ANKRD42: variants seen among roughly 807,000 people sequenced by gnomAD.
ANKRD42 encodes the protein ankyrin repeat domain-containing protein 42.
A neutral mutation model predicts 51.5 loss-of-function variants in ANKRD42; 43 were observed. The observed-to-expected ratio is 0.83, with a 90% CI of 0.65 to 1.08. ANKRD42 has a LOEUF of 1.08. Among genes scored for constraint, ANKRD42 ranks in the 50% least tolerant of loss-of-function variants. The probability of loss-of-function intolerance (pLI) is 0.00; values close to 1 mark genes in which losing one functional copy is unlikely to be tolerated. For synonymous variants in ANKRD42, 203 were observed against 213.0 expected (o/e 0.95, Z 0.41); for missense variants, 608 against 629.3 (o/e 0.97, Z 0.36).
chr11:83,210,277 C>CT (rs1400306022), intron 3 of ANKRD42, 23 bp from the exon 4 acceptor site: 3 of 1,609,770 alleles, frequency 1.9e-6, no homozygotes, highest in Non-Finnish European at 2.5e-6. Context: ...CATGTAAAGT[C>CT]TTTCCTATTT....
chr11:83,257,067 G>C (rs138126362), downstream of ANKRD42, among the ~76,000 whole-genome samples: 320 of 152,234 alleles, frequency 2.1e-3, 3 homozygotes, highest in African/African-American at 7.5e-3. Flanking sequence ...ACTAAAAATA[G>C]TGAATATAAG....
intron 2 of ANKRD42, among the ~76,000 whole-genome samples, chr11:83,199,741 T>C (rs1400576829): frequency 6.6e-6 from 1 of 152,138 alleles, no homozygotes; most frequent in Admixed American, 6.5e-5. Context: ...TTTTTACCCC[T>C]ACCACACACA....
intron 5 of ANKRD42, chr11:83,213,280 C>G: frequency 1.3e-6 from 2 of 1,595,082 alleles, no homozygotes; most frequent in East Asian, 2.2e-5. Flanking sequence ...TGATGTGCAA[C>G]AGATCTTACT....
intron 8 of ANKRD42, among the ~76,000 whole-genome samples, chr11:83,239,101 T>C (rs1161773762): frequency 6.6e-6 from 1 of 152,180 alleles, no homozygotes; most frequent in Non-Finnish European, 1.5e-5. Flanking sequence ...CTTTTTTTAA[T>C]TCTAGTAATG....
downstream of ANKRD42, among the ~76,000 whole-genome samples, chr11:83,256,991 A>T (rs938187091): frequency 6.6e-6 from 1 of 152,204 alleles, no homozygotes; most frequent in Admixed American, 6.5e-5. Flanking sequence ...CTTGGAACAG[A>T]TCTTATACAA....
chr11:83,250,669 G>C (rs1330274241), downstream of ANKRD42, among the ~76,000 whole-genome samples: 1 of 152,008 alleles, frequency 6.6e-6, no homozygotes, highest in East Asian at 1.9e-4. Context: ...ATTCCTGGTG[G>C]TGCTTGAATT....
At position 83,206,164 on chromosome 11, in the gene ANKRD42, A is replaced by G; in HGVS notation, c.329A>G (p.Gln110Arg). ...ATCAGGGGTCAGGATGCTTGTGTACAGGTAATAATATTACTTTTTTCAGTA... is the reference window on the plus strand; with the variant it reads ...ATCAGGGGTCAGGATGCTTGTGTACGGGTAATAATATTACTTTTTTCAGTA... ...AAIRGQDACV[Q>R]ALIMNGANLT... Residue 110 changes from glutamine (Q) to arginine (R), a missense_variant and splice_region_variant, in exon 3 of 11, where the codon CAG becomes CGG. Gln to Arg is a conservative substitution (Grantham distance 43, BLOSUM62 1). Coordinates refer to ENST00000533342, the MANE Select transcript of ANKRD42 (RefSeq NM_001300975.2). 6.2e-7 allele frequency: 1 copy of G among 1,605,836 alleles called. No individual in the cohort carries two copies. The highest frequency in any genetic ancestry group is 8.5e-7 in the Non-Finnish European group (1 of 1,173,852).
downstream of ANKRD42, among the ~76,000 whole-genome samples, chr11:83,251,575 G>A: frequency 6.6e-6 from 1 of 152,068 alleles, no homozygotes; most frequent in Admixed American, 6.6e-5. Context: ...AACCTGTCTA[G>A]CCCCAAGTCT....
chr11:83,224,002 A>G (rs1862797617), intron 5 of ANKRD42, among the ~76,000 whole-genome samples: 1 of 150,996 alleles, frequency 6.6e-6, no homozygotes, highest in African/African-American at 2.4e-5. Context: ...GTCTCATCCA[A>G]TATACTTTCT....
At chr11:83,209,761 T>C (rs7106644) in intron 3 of ANKRD42, 9,681 of 633,826 alleles carry the variant, frequency 0.015, 603 homozygotes, top group African/African-American at 0.15. Context: ...ATGTTCAATG[T>C]ACTGTTTCAA....
chr11:83,209,123 A>G (rs1306970586), intron 3 of ANKRD42, among the ~76,000 whole-genome samples: 9 of 152,228 alleles, frequency 5.9e-5, no homozygotes. Context: ...CCCTGTTAAC[A>G]AAGGATTCTG....
chr11:83,254,613 C>T (rs947589869), intron 11 of ANKRD42, among the ~76,000 whole-genome samples: 52 of 151,456 alleles, frequency 3.4e-4, no homozygotes, highest in African/African-American at 1.2e-3. Flanking sequence ...GTATTTTTAG[C>T]GGAGATAGGG....
intron 9 of ANKRD42, among the ~76,000 whole-genome samples, chr11:83,244,815 T>G (rs2135556064): frequency 6.6e-6 from 1 of 152,348 alleles, no homozygotes; most frequent in East Asian, 1.9e-4. Flanking sequence ...GGCTGGTACT[T>G]TAAAATCAAG....
At chr11:83,222,446 G>A (rs1447516338) in intron 5 of ANKRD42, among the ~76,000 whole-genome samples, 1 of 152,132 alleles carries the variant, frequency 6.6e-6, no homozygotes, top group Admixed American at 6.5e-5. Context: ...ATATTATATA[G>A]GGATATGTGT....
intron 7 of ANKRD42, among the ~76,000 whole-genome samples, chr11:83,235,966 T>C (rs1264293322): frequency 6.6e-6 from 1 of 152,226 alleles, no homozygotes; most frequent in Non-Finnish European, 1.5e-5. Context: ...GAAGCAAGAC[T>C]TTTTGAAGTC....
intron 5 of ANKRD42, chr11:83,214,771 G>A (rs1862463423): frequency 6.3e-6 from 1 of 159,498 alleles, no homozygotes; most frequent in African/African-American, 2.4e-5. Context: ...ATACACAATA[G>A]ATTATGGTTA....
downstream of ANKRD42, chr11:83,257,260 A>G (rs755882381): frequency 5.9e-5 from 27 of 454,984 alleles, 1 homozygote; most frequent in South Asian, 3.7e-4. Flanking sequence ...AGTCTGGGGT[A>G]TGGTGAGAGG....
At chr11:83,237,879 C>T (rs1863269444) in intron 8 of ANKRD42, among the ~76,000 whole-genome samples, 1 of 152,204 alleles carries the variant, frequency 6.6e-6, no homozygotes, top group African/African-American at 2.4e-5. Flanking sequence ...TAACCTCTCT[C>T]CCTTTGACTG....
At chr11:83,211,863 G>A (rs940497035) in intron 5 of ANKRD42, among the ~76,000 whole-genome samples, 4 of 152,006 alleles carry the variant, frequency 2.6e-5, no homozygotes, top group Admixed American at 2.0e-4. Flanking sequence ...AAACGAAGTA[G>A]TATATATGTT....
Sources: gnomAD v4.1 joint callset for allele counts (sites outside exome capture counted in the v4.1 genomes callset) on GRCh38, gnomAD v4.1.1 for gene constraint, MANE v1.5 for transcripts, NCBI Gene and HGNC (gene_info 2026-07-23, HGNC 2026-07-21) for gene names.